Variants in SPTBN4 observed in about 807,000 individuals in gnomAD.
SPTBN4 encodes the protein spectrin beta, non-erythrocytic 4, also known as spectrin beta chain, non-erythrocytic 4.
Under a neutral mutation model 277.8 loss-of-function variants are expected in SPTBN4, and 96 were observed. The observed-to-expected ratio is 0.35, with a 90% CI of 0.29 to 0.41. The LOEUF is 0.41. Ranked by LOEUF, SPTBN4 falls within the 10% of genes least tolerant of loss-of-function variation. The pLI is 1.00. For synonymous variants in SPTBN4, 1,481 were observed against 1,580.3 expected (o/e 0.94, Z 1.49); for missense variants, 3,006 against 3,595.7 (o/e 0.84, Z 4.19).
Position 40,549,264 on chromosome 19 carries a change from G to C in SPTBN4, c.4435G>C (p.Glu1479Gln), listed in dbSNP as rs2080890158. 1.9e-6 allele frequency: 3 copies of C among 1,546,026 alleles called. No individual in the cohort carries two copies. The highest frequency in any genetic ancestry group is 2.6e-6 in the Non-Finnish European group (3 of 1,146,650). ...GGCGCAGACGGCGGCGCTGCCGCTGGAGCCGGCGAGCAAGGAGCTGGTGGG... is the reference window on the plus strand; with the variant it reads ...GGCGCAGACGGCGGCGCTGCCGCTGCAGCCGGCGAGCAAGGAGCTGGTGGG... ...LQAQTAALPL[E>Q]PASKELVGER... Residue 1479 changes from glutamate to glutamine, a missense_variant, in exon 21 of 36, where the codon GAG (glutamate) becomes CAG (glutamine). Around this residue, in one of 5 missense-constraint regions of SPTBN4, gnomAD observed 1,759 missense variants for 2,061.5 expected, o/e 0.85. Coordinates refer to ENST00000598249, the MANE Select transcript of SPTBN4 (RefSeq NM_020971.3).
At chr19:40,477,940 G>A (rs1004093051) in intron 2 of SPTBN4, among the ~76,000 whole-genome samples, 40 of 152,104 alleles carry the variant, frequency 2.6e-4, no homozygotes, top group African/African-American at 9.2e-4. Flanking sequence ...CTGGGTTCAA[G>A]CGATTCTCCT....
rs1463284132 is a variant in SPTBN4, at chr19:40,549,483, G to A, written c.4584+70G>A. ...GGGGCGGAGAAGGTGGGCATGGGGC[G>A]GGGCTGAAGATGGAGACGGCTGAGA... On this transcript the variant is annotated intron_variant, in intron 21 of 35. Transcript: ENST00000598249. The A allele has an allele frequency of 4.1e-6, 5 of 1,206,590 alleles. No homozygotes were observed. The East Asian group carries it at 1.5e-4, about 35-fold the overall frequency. 74.7% of individuals were successfully genotyped at this position (1,206,590 alleles called of 1,614,324 possible).
chr19:40,569,721 G>A lies in SPTBN4; in HGVS notation c.7021G>A (p.Ala2341Thr). Residue 2341 changes from alanine (A) to threonine (T), a missense_variant, in exon 32 of 36, where the codon GCT (alanine) becomes ACT (threonine). By Grantham distance (58) the Ala-to-Thr change is moderately conservative (BLOSUM62 0). Transcript: ENST00000598249. Reference sequence around the variant, plus strand: ...GAAAGAGGCAGGCCCAGGGCTGCCTGCTGGGGTAAGTTGAGCCTCGGATGG... The same window carrying A: ...GAAAGAGGCAGGCCCAGGGCTGCCTACTGGGGTAAGTTGAGCCTCGGATGG... The part of the protein sequence containing the change: ...QEKEAGPGLP[A>T]GPSLPQPREL... The A allele has an allele frequency of 6.2e-7, 1 of 1,611,018 alleles. No homozygotes were observed. The highest frequency in any genetic ancestry group is 8.5e-7 in the Non-Finnish European group (1 of 1,178,884).
intron 2 of SPTBN4, among the ~76,000 whole-genome samples, chr19:40,473,498 C>T (rs923329272): frequency 1.6e-4 from 24 of 151,892 alleles, no homozygotes; most frequent in Non-Finnish European, 2.8e-4. Flanking sequence ...GCTGGGATTA[C>T]AGGCATGTGC....
intron 26 of SPTBN4, among the ~76,000 whole-genome samples, chr19:40,559,755 G>C (rs545736510): frequency 6.6e-6 from 1 of 152,190 alleles, no homozygotes; most frequent in African/African-American, 2.4e-5. Flanking sequence ...AACAGCCGTC[G>C]TGTAGGAAAC....
At chr19:40,530,431 C>T (rs2080651614) in intron 18 of SPTBN4, 29 of 898,426 alleles carry the variant, frequency 3.2e-5, no homozygotes, top group South Asian at 5.1e-5. Flanking sequence ...GCAGGGGGCG[C>T]ACGCGGGCGG....
intron 17 of SPTBN4, 70 bp from the exon 18 acceptor site, chr19:40,528,971 A>G (rs1347483701): frequency 5.0e-6 from 6 of 1,202,728 alleles, no homozygotes; most frequent in Admixed American, 1.7e-5. Flanking sequence ...CAGTGCCCTC[A>G]CAGTCCTACT....
At chr19:40,521,487 G>A (rs780941778) in intron 16 of SPTBN4, among the ~76,000 whole-genome samples, 13 of 152,074 alleles carry the variant, frequency 8.5e-5, no homozygotes, top group African/African-American at 1.9e-4. Flanking sequence ...GGGAGGCAGC[G>A]ACAGATCATC....
chr19:40,495,204 C>T (rs2080182517), intron 6 of SPTBN4, among the ~76,000 whole-genome samples: 2 of 152,314 alleles, frequency 1.3e-5, no homozygotes, highest in South Asian at 4.1e-4. Flanking sequence ...ATACCCTGTG[C>T]ACACATGGAC....
intron 20 of SPTBN4, chr19:40,534,623 T>G: frequency 2.3e-6 from 1 of 426,894 alleles, no homozygotes; most frequent in Non-Finnish European, 4.3e-6. Context: ...CACAGGACCC[T>G]GACACTCATT....
intron 20 of SPTBN4, among the ~76,000 whole-genome samples, chr19:40,545,435 G>T (rs2080848513): frequency 6.6e-6 from 1 of 151,978 alleles, no homozygotes; most frequent in Non-Finnish European, 1.5e-5. Flanking sequence ...AAATGCAAGT[G>T]CTGGGTCAAG....
At chr19:40,467,721 G>C (rs1299457522) in intron 1 of SPTBN4, among the ~76,000 whole-genome samples, 1 of 151,766 alleles carries the variant, frequency 6.6e-6, no homozygotes, top group South Asian at 2.1e-4. Context: ...GTTATGGCCA[G>C]AGCTGATCCT....
chr19:40,520,247 T>C (rs2080512104), intron 16 of SPTBN4, 96 bp downstream of exon 16: 1 of 1,268,130 alleles, frequency 7.9e-7, no homozygotes, highest in East Asian at 3.1e-5. Context: ...GGAGGGTGTT[T>C]CCTGGGACCA....
At chr19:40,476,561 TGTAA>T (rs2079950488) in intron 2 of SPTBN4, among the ~76,000 whole-genome samples, 2 of 152,162 alleles carry the variant, frequency 1.3e-5, no homozygotes, top group South Asian at 2.1e-4. Flanking sequence ...ACTAATTTAG[TGTAA>T]GTGAGTTTGT....
At chr19:40,567,610 T>G in intron 30 of SPTBN4, 53 bp from the exon 31 acceptor site, 6 of 1,277,676 alleles carry the variant, frequency 4.7e-6, no homozygotes, top group Non-Finnish European at 6.2e-6. Flanking sequence ...ACCTCCCCCT[T>G]ACCCCGCCCC....
intron 21 of SPTBN4, 69 bp from the exon 22 acceptor site, chr19:40,550,169 A>G: frequency 7.3e-7 from 1 of 1,362,166 alleles, no homozygotes. Flanking sequence ...TGCAGGTTTA[A>G]AGTTTAGTTG....
chr19:40,479,987 C>T (rs1014232045), intron 2 of SPTBN4, among the ~76,000 whole-genome samples: 2 of 150,508 alleles, frequency 1.3e-5, no homozygotes, highest in African/African-American at 4.9e-5. Flanking sequence ...CGTGGTGGCT[C>T]ACGCCTGTAA....
At position 40,570,661 on chromosome 19, in the gene SPTBN4, A is replaced by G. The variant is rs1485070733; in HGVS notation, c.7252A>G (p.Thr2418Ala). The change falls in exon 33 of 36, where the codon ACA becomes GCA. Residue 2418 changes from threonine (T) to alanine (A), a missense_variant. This residue lies in a region of SPTBN4 where 630 missense variants were observed against 677.6 expected (regional missense o/e 0.93). Coordinates refer to ENST00000598249, the MANE Select transcript of SPTBN4 (RefSeq NM_020971.3). ...APAPPPPPTH[T>A]VQHEGFLLRK... Reference sequence around the variant, plus strand: ...CGCGCCTCCGCCACCGCCCACTCACACAGTGCAGCACGAGGGCTTCCTACT... The same window carrying G: ...CGCGCCTCCGCCACCGCCCACTCACGCAGTGCAGCACGAGGGCTTCCTACT... The G allele has an allele frequency of 5.7e-6, 9 of 1,566,490 alleles. No homozygotes were observed. In the East Asian group the frequency reaches 7.8e-5, roughly 14 times the overall value.
At chr19:40,533,335 T>C (rs972843889) in intron 19 of SPTBN4, among the ~76,000 whole-genome samples, 11 of 152,180 alleles carry the variant, frequency 7.2e-5, no homozygotes, top group African/African-American at 2.7e-4. Context: ...ACCTAAGAGC[T>C]GTAATTACTG....
Sources: allele counts gnomAD v4.1 joint callset (sites outside exome capture counted in the v4.1 genomes callset), GRCh38; gene constraint gnomAD v4.1.1; regional missense constraint gnomAD v4.1.1; transcripts MANE v1.5; gene names NCBI Gene and HGNC (gene_info 2026-07-23, HGNC 2026-07-21).